CPA5: variants seen among roughly 807,000 people sequenced by gnomAD.
CPA5 encodes testicular tissue protein Li 32.
In CPA5, 38 loss-of-function variants were observed where a neutral mutation model predicts 52.2. The ratio of observed to expected loss-of-function variants is 0.73; its 90% CI spans 0.56 to 0.95. CPA5 has a LOEUF of 0.95. CPA5 is among the 40% of genes least tolerant of loss of function. The pLI, the probability that CPA5 is intolerant of heterozygous loss-of-function variation, is 0.00. For missense variants in CPA5, 519 were observed against 566.7 expected, an observed-to-expected ratio of 0.92 and a Z score of 0.86; for synonymous variants, 198 against 213.7, an observed-to-expected ratio of 0.93 and a Z score of 0.64.
At chr7:130,352,850 T>A (rs1247554243) in intron 5 of CPA5, among the ~76,000 whole-genome samples, 8 of 152,014 alleles carry the variant, frequency 5.3e-5, no homozygotes, top group African/African-American at 1.4e-4. Context: ...TTTTTTTTTT[T>A]ATTTTTTCCC....
At chr7:130,364,341 C>T (rs370272220) in intron 10 of CPA5, among the ~76,000 whole-genome samples, 16 of 152,124 alleles carry the variant, frequency 1.1e-4, no homozygotes, top group Non-Finnish European at 4.4e-5. Context: ...TGCAGGTGCC[C>T]ACCACCACGC....
Position 130,362,900 on chromosome 7 carries a change from G to T in CPA5, c.653G>T (p.Gly218Val). ...TTCTTGCAGATTGTCAGTGATTATG[G>T]CAAAGACCGTGTCCTGACAGACATA... ...WTANKIVSDYGKDRVLTDILN... is the reference protein window; with the variant it reads ...WTANKIVSDYVKDRVLTDILN... The change falls in exon 9 of 13, where the codon GGC becomes GTC. Residue 218 changes from glycine (G) to valine (V), a missense_variant. Transcript: ENST00000474905. The T allele has an allele frequency of 6.2e-7, 1 of 1,612,274 alleles. No individual in the cohort carries two copies. The highest frequency in any genetic ancestry group is 8.5e-7 in the Non-Finnish European group (1 of 1,178,556).
intron 9 of CPA5, 111 bp from the exon 10 acceptor site, chr7:130,363,308 G>T (rs1176173004): frequency 3.7e-6 from 3 of 814,108 alleles, no homozygotes; most frequent in Middle Eastern, 5.4e-4. Flanking sequence ...CCTTCCCTTT[G>T]CTCCTCCCTG....
At chr7:130,362,807 C>T (rs532670407) in intron 8 of CPA5, 77 bp from the exon 9 acceptor site, 2 of 889,270 alleles carry the variant, frequency 2.2e-6, no homozygotes, top group South Asian at 2.9e-5. Flanking sequence ...CCTGCAGCCA[C>T]TGGCTGTGAA....
rs202207650 is a variant in CPA5, at chr7:130,361,223, C to G, written c.513C>G (p.Asn171Lys). 4 of 1,612,940 alleles carry G rather than the reference C, an allele frequency of 2.5e-6. No individual in the cohort carries two copies. The highest frequency in any genetic ancestry group is 3.3e-5 in the Admixed American group (2 of 60,010). ...SKIQIGNSFE[N>K]QSILVLKFST... ...TTCAGATTGGCAACAGCTTTGAAAA[C>G]CAGTCCATTCTTGTCCTGAAGGTAA... Residue 171 changes from asparagine (N) to lysine (K), a missense_variant, in exon 7 of 13, where the codon AAC (asparagine) becomes AAG (lysine). Coordinates refer to ENST00000474905, the MANE Select transcript of CPA5 (RefSeq NM_080385.5).
Position 130,368,678 on chromosome 7 carries a change from T to G in CPA5, c.*81T>G, listed in dbSNP as rs1290857747. The G allele has an allele frequency of 1.4e-6, 2 of 1,402,062 alleles. No homozygotes were observed. 86.9% of individuals were successfully genotyped at this position (1,402,062 alleles called of 1,614,324 possible). A position where few individuals can be genotyped will look rare whatever the true frequency, so the allele number is the denominator to read the frequency against. On this transcript the variant is annotated 3_prime_UTR_variant, in exon 13 of 13. Coordinates refer to ENST00000474905, the MANE Select transcript of CPA5 (RefSeq NM_080385.5). ...CCGAAACCCAAGTTATGCATCCCCA[T>G]CCCCATGCCCTCATCCCGACCTCTT...
chr7:130,367,261 C>A, intron 10 of CPA5, 111 bp from the exon 11 acceptor site: 1 of 892,892 alleles, frequency 1.1e-6, no homozygotes, highest in Non-Finnish European at 1.8e-6. Context: ...TGACCTCAGT[C>A]ATACTGCAAA....
chr7:130,363,655 C>G (rs1006153690), intron 10 of CPA5, 146 bp downstream of exon 10: 1 of 685,866 alleles, frequency 1.5e-6, no homozygotes, highest in African/African-American at 1.8e-5. Context: ...CGGCCAGGGA[C>G]AGGCAAGCAC....
chr7:130,362,534 A>C lies in CPA5; in HGVS notation c.631A>C (p.Asn211His), dbSNP rs1554407040. The change falls in exon 8 of 13, where the codon AAT becomes CAT. Residue 211 changes from asparagine (N) to histidine (H), a missense_variant. Transcript: ENST00000474905. The stretch of plus-strand genomic sequence containing the variant: ...CCATGCCACCGGCATCTGGACTGCC[A>C]ATAAGGTCAGCATGGACCTGTAGCC... Reference protein sequence around the residue: ...ITHATGIWTANKIVSDYGKDR... With the variant: ...ITHATGIWTAHKIVSDYGKDR... 1 of 1,612,068 alleles carries C rather than the reference A, an allele frequency of 6.2e-7. No homozygotes were observed. The highest frequency in any genetic ancestry group is 8.5e-7 in the Non-Finnish European group (1 of 1,178,324).
Position 130,368,477 on chromosome 7 carries a change from G to A in CPA5, c.1191G>A (p.Glu397=). ...GCATCAAGTACGCCTTCAGCTTTGA[G>A]CTCCGGGACACTGGGCAGTATGGCT... is the stretch of plus-strand genomic sequence containing the variant. ...DSGIKYAFSF[E]LRDTGQYGFL... Residue 397 remains glutamate (E), a synonymous_variant, in exon 13 of 13, where the codon GAG becomes GAA. Coordinates refer to ENST00000474905, the MANE Select transcript of CPA5 (RefSeq NM_080385.5). The A allele has an allele frequency of 6.2e-7, 1 of 1,614,148 alleles. No homozygotes were observed. Among genetic ancestry groups the A allele is most frequent in the Non-Finnish European group, 8.5e-7 (1 of 1,180,028 alleles).
At chr7:130,353,080 A>T (rs1330702271) in intron 5 of CPA5, among the ~76,000 whole-genome samples, 2 of 151,992 alleles carry the variant, frequency 1.3e-5, no homozygotes, top group African/African-American at 4.8e-5. Flanking sequence ...GCCCTAGTGG[A>T]TCACTCTCAT....
At chr7:130,366,349 G>A (rs1347501759) in intron 10 of CPA5, among the ~76,000 whole-genome samples, 7 of 152,182 alleles carry the variant, frequency 4.6e-5, no homozygotes, top group Non-Finnish European at 1.0e-4. Flanking sequence ...AGAGAGAGGA[G>A]AAACTGGGAT....
intron 5 of CPA5, among the ~76,000 whole-genome samples, chr7:130,351,245 G>T (rs1475664108): frequency 2.0e-5 from 3 of 152,214 alleles, no homozygotes; most frequent in Non-Finnish European, 2.9e-5. Context: ...GCAGACAAAA[G>T]AGGCTACCAC....
intron 5 of CPA5, among the ~76,000 whole-genome samples, chr7:130,357,005 C>T (rs923646791): frequency 4.6e-5 from 7 of 152,214 alleles, no homozygotes; most frequent in Admixed American, 1.3e-4. Flanking sequence ...TTTGTTAGAG[C>T]TTCCCAGAAG....
chr7:130,367,790 C>A, intron 11 of CPA5, 116 bp from the exon 12 acceptor site: 3 of 964,568 alleles, frequency 3.1e-6, no homozygotes, highest in Non-Finnish European at 5.0e-6. Context: ...GGGCCATCTC[C>A]ACCTTCAACT....
downstream of CPA5, among the ~76,000 whole-genome samples, chr7:130,372,641 C>T (rs1360265831): frequency 8.5e-5 from 13 of 152,306 alleles, no homozygotes; most frequent in East Asian, 7.7e-4. Context: ...CCAGAGACTT[C>T]GCCTTACACT....
At chr7:130,364,008 T>C (rs1554407570) in intron 10 of CPA5, among the ~76,000 whole-genome samples, 1 of 152,134 alleles carries the variant, frequency 6.6e-6, no homozygotes, top group East Asian at 1.9e-4. Flanking sequence ...AAGTGTCCAA[T>C]AGAATTAACC....
chr7:130,354,560 A>C (rs1437223506), intron 5 of CPA5, among the ~76,000 whole-genome samples: 1 of 150,900 alleles, frequency 6.6e-6, no homozygotes, highest in Middle Eastern at 3.4e-3. Flanking sequence ...CCCCTGGCCA[A>C]TTTTTGTATT....
At chr7:130,372,909 C>T (rs1554410076), downstream of CPA5, among the ~76,000 whole-genome samples, 1 of 152,104 alleles carries the variant, frequency 6.6e-6, no homozygotes, top group African/African-American at 2.4e-5. Context: ...TATAATTATC[C>T]AGATGTTTTA....
Sources: gnomAD v4.1 joint callset for allele counts (sites outside exome capture counted in the v4.1 genomes callset) on GRCh38, gnomAD v4.1.1 for gene constraint, MANE v1.5 for transcripts, NCBI Gene and HGNC (gene_info 2026-07-23, HGNC 2026-07-21) for gene names.